The following SLC39A11 variants were observed in gnomAD, a reference collection of about 807,000 sequenced individuals.
SLC39A11 encodes zinc transporter ZIP11.
A neutral mutation model predicts 36.1 loss-of-function variants in SLC39A11; 33 were observed. The observed-to-expected ratio is 0.91, with a 90% CI of 0.69 to 1.22. The LOEUF (loss-of-function observed/expected upper bound fraction) is 1.22. SLC39A11 is among the 50% of genes most tolerant of loss of function. The pLI is 0.00. For missense variants in SLC39A11, 432 were observed against 430.3 expected, an observed-to-expected ratio of 1.00 and a Z score of -0.03; for synonymous variants, 166 against 170.3, an observed-to-expected ratio of 0.97 and a Z score of 0.20.
intron 6 of SLC39A11, among the ~76,000 whole-genome samples, chr17:72,751,459 T>C (rs1428100638): frequency 1.3e-5 from 2 of 152,206 alleles, no homozygotes; most frequent in African/African-American, 4.8e-5. Context: ...CCATTTTTAA[T>C]TGTGATAAAA....
chr17:72,843,311 A>C (rs1032392515), intron 6 of SLC39A11, among the ~76,000 whole-genome samples: 1 of 152,124 alleles, frequency 6.6e-6, no homozygotes, highest in Non-Finnish European at 1.5e-5. Flanking sequence ...AAACACCCAG[A>C]ATTGTCTGCA....
intron 4 of SLC39A11, among the ~76,000 whole-genome samples, chr17:73,005,588 C>T (rs1017383878): frequency 3.3e-5 from 5 of 152,152 alleles, no homozygotes; most frequent in Non-Finnish European, 5.9e-5. Context: ...AGGCTCTGCC[C>T]GCTCCAGCCA....
At chr17:73,054,370 A>C (rs1225118439) in intron 3 of SLC39A11, among the ~76,000 whole-genome samples, 2 of 150,292 alleles carry the variant, frequency 1.3e-5, no homozygotes, top group Non-Finnish European at 2.9e-5. Context: ...GAAAAAAACA[A>C]AAAAACAAAA....
chr17:72,752,513 T>C (rs2075195568), intron 6 of SLC39A11, among the ~76,000 whole-genome samples: 1 of 152,132 alleles, frequency 6.6e-6, no homozygotes, highest in African/African-American at 2.4e-5. Flanking sequence ...CCAAAAGTGT[T>C]AGGATTACAG....
chr17:72,773,067 C>G (rs571070964), intron 6 of SLC39A11, among the ~76,000 whole-genome samples: 2 of 151,794 alleles, frequency 1.3e-5, no homozygotes, highest in Non-Finnish European at 2.9e-5. Flanking sequence ...TCTTGGGCGA[C>G]AAGAGTGAAA....
intron 6 of SLC39A11, among the ~76,000 whole-genome samples, chr17:72,754,043 T>TACAC (rs1442348420): frequency 1.1e-3 from 52 of 47,724 alleles, no homozygotes; most frequent in African/African-American, 2.1e-3. Flanking sequence ...TATATATATA[T>TACAC]ATACACATAC....
chr17:72,680,269 G>A lies in SLC39A11; in HGVS notation c.672-31001C>T, dbSNP rs531205486. On this transcript the variant is annotated intron_variant, in intron 7 of 9. Coordinates refer to ENST00000255559, the MANE Select transcript of SLC39A11 (RefSeq NM_139177.4). ...CCACCCCTACCGCCCTCAGCTCCTG[G>A]CAACTATGACTCTGCTTCTGTCTCT... Among the ~76,000 whole-genome samples, 7 of 152,146 alleles carry A rather than the reference G, an allele frequency of 4.6e-5. No individual in the cohort carries two copies. The South Asian group carries it at 1.5e-3, about 32-fold the overall frequency.
intron 3 of SLC39A11, among the ~76,000 whole-genome samples, chr17:73,043,959 A>C (rs1180882807): frequency 1.3e-5 from 2 of 152,284 alleles, no homozygotes; most frequent in East Asian, 1.9e-4. Context: ...ACCAGCTTTA[A>C]ATAATTTTAC....
At chr17:73,068,007 C>A in intron 3 of SLC39A11, 1 of 1,594,540 alleles carries the variant, frequency 6.3e-7, no homozygotes, top group Non-Finnish European at 8.6e-7. Flanking sequence ...TCTGAGGCCA[C>A]AAGTTTAAGA....
intron 5 of SLC39A11, among the ~76,000 whole-genome samples, chr17:72,935,977 G>A (rs1364542841): frequency 1.3e-5 from 2 of 151,902 alleles, no homozygotes; most frequent in Non-Finnish European, 2.9e-5. Flanking sequence ...CAGGGGGATC[G>A]CTTGAGCTAA....
At chr17:72,667,072 C>G (rs2070787955) in intron 7 of SLC39A11, among the ~76,000 whole-genome samples, 1 of 152,132 alleles carries the variant, frequency 6.6e-6, no homozygotes, top group African/African-American at 2.4e-5. Flanking sequence ...GCCTTTGAGT[C>G]AATGTCTTGT....
At chr17:72,989,316 T>C (rs961166517) in intron 4 of SLC39A11, among the ~76,000 whole-genome samples, 1 of 152,264 alleles carries the variant, frequency 6.6e-6, no homozygotes, top group Non-Finnish European at 1.5e-5. Flanking sequence ...TCTAGAATCA[T>C]CCTTCCTTTA....
intron 5 of SLC39A11, among the ~76,000 whole-genome samples, chr17:72,894,511 A>AG (rs923984394): frequency 1.3e-5 from 2 of 150,838 alleles, no homozygotes; most frequent in African/African-American, 4.9e-5. Context: ...AAAAAAAAAA[A>AG]AAAAAAAAAT....
At chr17:73,072,665 G>A (rs1340794392) in intron 3 of SLC39A11, 1 of 152,130 alleles carries the variant, frequency 6.6e-6, no homozygotes, top group African/African-American at 2.4e-5. Context: ...TCTTCTTGAA[G>A]CAAGACTTTG....
At chr17:72,796,796 C>T (rs2076909789) in intron 6 of SLC39A11, among the ~76,000 whole-genome samples, 1 of 152,162 alleles carries the variant, frequency 6.6e-6, no homozygotes, top group South Asian at 2.1e-4. Context: ...CACCCACCAC[C>T]ACGCAGGGGT....
intron 4 of SLC39A11, among the ~76,000 whole-genome samples, chr17:72,957,354 T>C (rs1264640342): frequency 6.6e-6 from 1 of 152,170 alleles, no homozygotes; most frequent in Non-Finnish European, 1.5e-5. Context: ...TACAAAATGT[T>C]GTGTGTAATA....
At chr17:72,821,287 G>T (rs1367348730) in intron 6 of SLC39A11, among the ~76,000 whole-genome samples, 1 of 150,408 alleles carries the variant, frequency 6.6e-6, no homozygotes, top group African/African-American at 2.4e-5. Context: ...TGGATCACCT[G>T]AGGTCGGAAA....
At chr17:72,831,636 A>G (rs777237504) in intron 6 of SLC39A11, among the ~76,000 whole-genome samples, 23 of 152,252 alleles carry the variant, frequency 1.5e-4, no homozygotes, top group Non-Finnish European at 3.1e-4. Context: ...CTAAATTGCT[A>G]TCGTAAAAAT....
intron 5 of SLC39A11, among the ~76,000 whole-genome samples, chr17:72,931,768 T>C (rs907536986): frequency 7.9e-5 from 12 of 152,214 alleles, no homozygotes; most frequent in Admixed American, 2.0e-4. Context: ...ATCCTTTCAG[T>C]GACAGGGAGC....
Sources: allele counts gnomAD v4.1 joint callset (sites outside exome capture counted in the v4.1 genomes callset), GRCh38; gene constraint gnomAD v4.1.1; transcripts MANE v1.5; gene names NCBI Gene and HGNC (gene_info 2026-07-23, HGNC 2026-07-21).